The following DOCK1 variants were observed in gnomAD, a reference collection of about 807,000 sequenced individuals.
DOCK1 encodes dedicator of cytokinesis 1.
Under a neutral mutation model 262.7 loss-of-function variants are expected in DOCK1, and 138 were observed. The observed-to-expected ratio is 0.53, with a 90% confidence interval of 0.46 to 0.61. The LOEUF (loss-of-function observed/expected upper bound fraction) is 0.61, where lower values mean the gene tolerates loss of function less well. Among genes scored for constraint, DOCK1 ranks in the 20% least tolerant of loss-of-function variants. The pLI is 0.00. For missense variants in DOCK1, 1,908 were observed against 2,370.7 expected (o/e 0.80, Z 4.05); for synonymous variants, 866 against 867.4 (o/e 1.00, Z 0.03).
chr10:127,171,051 G>C (rs867178730), intron 27 of DOCK1, among the ~76,000 whole-genome samples: 1 of 152,174 alleles, frequency 6.6e-6, no homozygotes, highest in Non-Finnish European at 1.5e-5. Context: ...ACTGTGTGCT[G>C]GTTATAAGTG....
rs532447002 is a variant in DOCK1, at chr10:127,107,855, A to G, written c.2516+1554A>G. Among the ~76,000 whole-genome samples the G allele has an allele frequency of 6.6e-5, 10 of 152,358 alleles. No homozygotes were observed. The South Asian group carries it at 1.4e-3, about 22-fold the overall frequency. On this transcript the variant is annotated intron_variant, in intron 24 of 51. Coordinates refer to ENST00000623213, the MANE Select transcript of DOCK1 (RefSeq NM_001290223.2). ...TGTGGCCATACTCTAGGCCTGTCTCATGGTGCACACAGATCAGCTCCGCAC... is the reference window on the plus strand; with the variant it reads ...TGTGGCCATACTCTAGGCCTGTCTCGTGGTGCACACAGATCAGCTCCGCAC...
chr10:127,012,297 T>C lies in DOCK1; in HGVS notation c.1124T>C (p.Val375Ala). The part of the protein sequence containing the change: ...LNMSSRFSPR[V>A]AGENDFLQTV... ...ATGTCATCCCGTTTTTCACCCAGGG[T>C]GGCAGGGGAGAATGACTTCCTTCAG... The change falls in exon 12 of 52, where the codon GTG (valine) becomes GCG (alanine). Residue 375 changes from valine to alanine, a missense_variant. Transcript: ENST00000623213. The surrounding 1 kb of genome is among the most constrained non-coding windows in gnomAD (Gnocchi z 4.0). The C allele has an allele frequency of 6.2e-7, 1 of 1,613,956 alleles. No homozygotes were observed. Among genetic ancestry groups the C allele is most frequent in the Non-Finnish European group, 8.5e-7 (1 of 1,179,892 alleles).
chr10:127,149,324 T>C lies in DOCK1; in HGVS notation c.2847+21560T>C, dbSNP rs368875593. The stretch of plus-strand genomic sequence containing the variant: ...TACGCGGCAGGCTCTCACGGGCTGA[T>C]GTTTCTCACCTTTCGCTTGTCGTAC... On this transcript the variant is annotated intron_variant, in intron 27 of 51. Coordinates refer to ENST00000623213, the MANE Select transcript of DOCK1 (RefSeq NM_001290223.2). 3.9e-5 allele frequency among the ~76,000 whole-genome samples: 6 copies of C among 152,322 alleles called. 1 individual carries two copies. The South Asian group carries it at 1.2e-3, about 32-fold the overall frequency.
chr10:127,110,320 C>T lies in DOCK1; in HGVS notation c.2589C>T (p.Ile863=), dbSNP rs752986153. 16 of 1,613,266 alleles carry T rather than the reference C, an allele frequency of 9.9e-6. No homozygotes were observed. The highest frequency in any genetic ancestry group is 8.3e-5 in the Admixed American group (5 of 59,952). The change falls in exon 25 of 52, where the codon ATC becomes ATT. Residue 863 remains isoleucine, a synonymous_variant. Transcript: ENST00000623213. ...LLTIQKLYCL[I]EIVHSDLFTQ... ...CCATCCAGAAACTCTACTGCTTGATCGAAATCGTCCACAGTGACCTCTTCA... is the reference window on the plus strand; with the variant it reads ...CCATCCAGAAACTCTACTGCTTGATTGAAATCGTCCACAGTGACCTCTTCA...
chr10:127,287,808 C>A (rs892523185), intron 29 of DOCK1, among the ~76,000 whole-genome samples: 1 of 152,108 alleles, frequency 6.6e-6, no homozygotes, highest in Non-Finnish European at 1.5e-5. Context: ...GTGCTGCCAG[C>A]ATTTATCCAG....
Position 127,384,775 on chromosome 10 carries a change from A to G in DOCK1, c.3808-15A>G, listed in dbSNP as rs781034407. On this transcript the variant is annotated splice_polypyrimidine_tract_variant and intron_variant, in intron 37 of 51. Transcript: ENST00000623213. The stretch of plus-strand genomic sequence containing the variant: ...TTTCCGCCTCGGGTCCGCTCATGCT[A>G]TGCTTCTCCCTTAGTGGTCGGAGGA... The G allele has an allele frequency of 1.9e-6, 3 of 1,554,848 alleles. No homozygotes were observed. The highest frequency in any genetic ancestry group is 2.5e-5 in the South Asian group (2 of 80,686).
chr10:127,183,152 A>AT (rs201229357), intron 27 of DOCK1, among the ~76,000 whole-genome samples: 2,000 of 101,452 alleles, frequency 0.02, 15 homozygotes, highest in Middle Eastern at 0.048. Flanking sequence ...TAGGACATTG[A>AT]TTTTTTCCCC....
At chr10:127,117,052 A>G (rs760523942) in intron 25 of DOCK1, among the ~76,000 whole-genome samples, 2 of 152,160 alleles carry the variant, frequency 1.3e-5, no homozygotes, top group Non-Finnish European at 1.5e-5. Flanking sequence ...TATGTTTTTG[A>G]AAAGACCATT....
At chr10:127,009,613 A>G (rs887458564) in intron 11 of DOCK1, among the ~76,000 whole-genome samples, 4 of 152,120 alleles carry the variant, frequency 2.6e-5, no homozygotes, top group Non-Finnish European at 1.5e-5. Flanking sequence ...GGGAGAAGGC[A>G]TGGTAAGGGC....
intron 47 of DOCK1, among the ~76,000 whole-genome samples, chr10:127,429,498 A>T (rs903511671): frequency 3.3e-5 from 5 of 152,238 alleles, no homozygotes; most frequent in Non-Finnish European, 4.4e-5. Flanking sequence ...GTTTGCAAAA[A>T]AGATGGATTT....
At chr10:127,136,825 C>T (rs929865242) in intron 27 of DOCK1, 1 of 152,532 alleles carries the variant, frequency 6.6e-6, no homozygotes, top group Non-Finnish European at 1.5e-5. Context: ...TTGAGATGGT[C>T]AGGGCTTCCA....
Position 127,381,381 on chromosome 10 carries a change from A to G in DOCK1, c.3807+13A>G. 1 of 1,602,380 alleles carries G rather than the reference A, an allele frequency of 6.2e-7. No individual in the cohort carries two copies. Among genetic ancestry groups the G allele is most frequent in the Non-Finnish European group, 8.5e-7 (1 of 1,172,994 alleles). On this transcript the variant is annotated intron_variant, in intron 37 of 51. Transcript: ENST00000623213. ...AAAGCTTCTTAAGGTAATGTCAATT[A>G]CCAGTCACCTTGATGATTCTATTGT...
rs972710881 is a variant in DOCK1 at position 126,932,358 on chromosome 10, C to T, written c.46+26795C>T. Among the ~76,000 whole-genome samples the T allele has an allele frequency of 8.0e-3, 1,215 of 152,284 alleles. 18 individuals carry two copies. Among genetic ancestry groups the T allele is most frequent in the African/African-American group, 0.028 (1,151 of 41,556 alleles). On this transcript the variant is annotated intron_variant, in intron 1 of 51. Transcript: ENST00000623213. ...CCCAGCCTGAGCAAAATAGTAAGAC[C>T]CGTGTCTCCAAAAAACAGAACAAAC...
At chr10:127,343,153 G>A (rs2063500748) in intron 30 of DOCK1, among the ~76,000 whole-genome samples, 1 of 152,164 alleles carries the variant, frequency 6.6e-6, no homozygotes, top group African/African-American at 2.4e-5. Flanking sequence ...GCTGAGGCAG[G>A]AGAATTGCTT....
chr10:126,941,620 G>T (rs970952644), intron 1 of DOCK1, among the ~76,000 whole-genome samples: 5 of 152,106 alleles, frequency 3.3e-5, no homozygotes, highest in Admixed American at 6.5e-5. Flanking sequence ...GCCAGGCGTG[G>T]TGGCGGGTGC....
At chr10:127,084,657 T>G (rs547717793) in intron 23 of DOCK1, among the ~76,000 whole-genome samples, 1 of 152,176 alleles carries the variant, frequency 6.6e-6, no homozygotes, top group Admixed American at 6.5e-5. Flanking sequence ...TTCTAACGGG[T>G]TTACATGAGG....
At position 127,012,475 on chromosome 10, in the gene DOCK1, GATA is replaced by G. The variant is rs1306602170; in HGVS notation, c.1201+104_1201+106del. On this transcript the variant is annotated intron_variant, in intron 12 of 51. Coordinates refer to ENST00000623213, the MANE Select transcript of DOCK1 (RefSeq NM_001290223.2). This position sits in a 1 kb window ranked among gnomAD's most constrained non-coding sequence, Gnocchi z 4.0. ...GTTTGATGTTGATCATGATGGTGGT[GATA>G]ATGATGGGGATGACAGTGATCGTGG... 22 of 958,516 alleles carry G rather than the reference GATA, an allele frequency of 2.3e-5. No individual in the cohort carries two copies. In the African/African-American group the frequency reaches 3.0e-4, roughly 13 times the overall value. The allele number at this position is 958,516 out of a possible 1,614,324, so 59.4% of individuals were successfully genotyped here. A position where few individuals can be genotyped will look rare whatever the true frequency, so the allele number is the denominator to read the frequency against.
Position 127,226,770 on chromosome 10 carries a change from C to A in DOCK1, c.2848-21238C>A, listed in dbSNP as rs564787686. On this transcript the variant is annotated intron_variant, in intron 27 of 51. Transcript: ENST00000623213. Reference sequence around the variant, plus strand: ...GAATGAAAACAAACAAACAAACAAACAAAAAAAAGAGTGGGTGGGGCTCCT... The same window carrying A: ...GAATGAAAACAAACAAACAAACAAAAAAAAAAAAGAGTGGGTGGGGCTCCT... Among the ~76,000 whole-genome samples the A allele has an allele frequency of 6.1e-3, 921 of 151,550 alleles. 15 individuals carry two copies. The highest frequency in any genetic ancestry group is 0.021 in the African/African-American group (862 of 41,312).
chr10:127,376,171 C>T (rs2065477688), intron 35 of DOCK1, among the ~76,000 whole-genome samples: 1 of 152,162 alleles, frequency 6.6e-6, no homozygotes, highest in East Asian at 1.9e-4. Context: ...ATCCTAAGGG[C>T]TCTAATGGGA....
Sources: allele counts gnomAD v4.1 joint callset (sites outside exome capture counted in the v4.1 genomes callset), GRCh38; gene constraint gnomAD v4.1.1; non-coding constraint Gnocchi (gnomAD v3.1); transcripts MANE v1.5; gene names NCBI Gene and HGNC (gene_info 2026-07-23, HGNC 2026-07-21).